MT1X: variants seen among roughly 807,000 people sequenced by gnomAD.
The protein encoded by MT1X is metallothionein-1X.
A neutral mutation model predicts 8.6 loss-of-function variants in MT1X; 7 were observed. The observed-to-expected ratio is 0.81, with a 90% CI of 0.46 to 1.52. The LOEUF is 1.52. MT1X is among the 40% of genes most tolerant of loss of function. The probability of loss-of-function intolerance (pLI) is 0.01; values close to 1 mark genes in which losing one functional copy is unlikely to be tolerated. For synonymous variants in MT1X, 25 were observed against 27.6 expected (o/e 0.91, Z 0.30); for missense variants, 72 against 74.3 (o/e 0.97, Z 0.11).
At position 56,684,106 on chromosome 16, in the gene MT1X, T is replaced by A; in HGVS notation, c.*57T>A. ...AGAGCAACCTATATAAACCTGGATT[T>A]TTTTTTTTTTTTTTTTTGTACAACC... is the stretch of plus-strand genomic sequence containing the variant. On this transcript the variant is annotated 3_prime_UTR_variant, in exon 3 of 3. Coordinates refer to ENST00000394485, the MANE Select transcript of MT1X (RefSeq NM_005952.4). 2 of 972,734 alleles carry A rather than the reference T, an allele frequency of 2.1e-6. No individual in the cohort carries two copies. The highest frequency in any genetic ancestry group is 2.7e-6 in the Non-Finnish European group (2 of 734,594). The allele number at this position is 972,734 out of a possible 1,614,324, so 60.3% of individuals were successfully genotyped here.
intron 1 of MT1X, 76 bp from the exon 2 acceptor site, chr16:56,683,089 A>T: frequency 6.4e-7 from 1 of 1,558,030 alleles, no homozygotes; most frequent in Non-Finnish European, 8.8e-7. Context: ...AGGAGGGGTC[A>T]CTGAAGCGTT....
intron 2 of MT1X, 35 bp downstream of exon 2, chr16:56,683,265 T>C: frequency 6.2e-7 from 1 of 1,612,626 alleles, no homozygotes; most frequent in Non-Finnish European, 8.5e-7. Flanking sequence ...ATCTGGGGGA[T>C]GGGCCAAGTT....
chr16:56,683,339 C>T, intron 2 of MT1X, 109 bp downstream of exon 2: 1 of 1,241,066 alleles, frequency 8.1e-7, no homozygotes, highest in Non-Finnish European at 1.2e-6. Flanking sequence ...CCAAACCCCT[C>T]CTTCAACACC....
chr16:56,682,673 G>A (rs575521520), intron 1 of MT1X, 105 bp downstream of exon 1: 19 of 1,396,882 alleles, frequency 1.4e-5, no homozygotes, highest in South Asian at 4.8e-5. Context: ...AGCTGAAGGG[G>A]CTCCTTTATT....
Position 56,682,564 on chromosome 16 carries a change from G to A in MT1X, c.24G>A (p.Ser8=), listed in dbSNP as rs147291148. 36 of 1,614,064 alleles carry A rather than the reference G, an allele frequency of 2.2e-5. No individual in the cohort carries two copies. In the African/African-American group the frequency reaches 3.9e-4, roughly 17 times the overall value. The change falls in exon 1 of 3, where the codon TCG becomes TCA. Residue 8 remains serine (S), a synonymous_variant. Transcript: ENST00000394485. MDPNCSC[S]PVGSCACAGS... is the part of the protein sequence containing the mutation. The stretch of plus-strand genomic sequence containing the variant: ...AAATGGACCCCAACTGCTCCTGCTC[G>A]CCTGGTAAGGGACACCTAGCTCCGC...
chr16:56,682,537 C>A lies in MT1X; in HGVS notation c.-4C>A. The A allele has an allele frequency of 6.2e-7, 1 of 1,614,230 alleles. No homozygotes were observed. Among genetic ancestry groups the A allele is most frequent in the Non-Finnish European group, 8.5e-7 (1 of 1,180,040 alleles). On this transcript the variant is annotated 5_prime_UTR_variant, in exon 1 of 3. Coordinates refer to ENST00000394485, the MANE Select transcript of MT1X (RefSeq NM_005952.4). ...CGGGAACTCCTGCTTCTCCTTGCCT[C>A]GAAATGGACCCCAACTGCTCCTGCT...
chr16:56,683,026 C>T (rs760584620), intron 1 of MT1X, 139 bp from the exon 2 acceptor site: 4 of 1,015,916 alleles, frequency 3.9e-6, no homozygotes, highest in Non-Finnish European at 4.4e-6. Context: ...TGGGGCTTCT[C>T]TTCCTCTCCC....
At chr16:56,682,801 G>A (rs1233040796) in intron 1 of MT1X, 2 of 612,846 alleles carry the variant, frequency 3.3e-6, no homozygotes, top group Non-Finnish European at 5.7e-6. Context: ...TCACCCAGTT[G>A]GTCAGGGGGC....
intron 2 of MT1X, 93 bp from the exon 3 acceptor site, chr16:56,683,865 G>T: frequency 1.9e-6 from 3 of 1,546,708 alleles, no homozygotes; most frequent in Non-Finnish European, 2.7e-6. Context: ...GGTCCTCTGG[G>T]GCTGGAGGCA....
chr16:56,682,709 C>A, intron 1 of MT1X, 141 bp downstream of exon 1: 1 of 1,067,620 alleles, frequency 9.4e-7, no homozygotes, highest in Non-Finnish European at 1.4e-6. Context: ...TTCCCGATCA[C>A]GTCCCTGAGA....
Position 56,684,009 on chromosome 16 carries a change from T to G in MT1X, c.146T>G (p.Ile49Ser). ...TGTGCCAAGTGTGCCCAGGGCTGCA[T>G]CTGCAAAGGGACGTCAGACAAGTGC... The part of the protein sequence containing the change: ...VGCAKCAQGC[I>S]CKGTSDKCSC... The change falls in exon 3 of 3, where the codon ATC becomes AGC. Residue 49 changes from isoleucine to serine, a missense_variant. Transcript: ENST00000394485. The G allele has an allele frequency of 6.2e-7, 1 of 1,614,030 alleles. No individual in the cohort carries two copies. The highest frequency in any genetic ancestry group is 8.5e-7 in the Non-Finnish European group (1 of 1,180,012).
chr16:56,683,058 G>C (rs1961020267), intron 1 of MT1X, 107 bp from the exon 2 acceptor site: 1 of 1,343,586 alleles, frequency 7.4e-7, no homozygotes, highest in Non-Finnish European at 1.1e-6. Context: ...AGGAGCTCTG[G>C]GGGCTGGTCC....
chr16:56,683,697 A>G (rs986956537), intron 2 of MT1X: 20 of 501,128 alleles, frequency 4.0e-5, no homozygotes, highest in Non-Finnish European at 6.7e-5. Context: ...GGTTTTGGGG[A>G]ACTGGCCTCC....
Position 56,684,103 on chromosome 16 carries a change from A to ATTTT in MT1X, c.*71_*74dup. The ATTTT allele has an allele frequency of 6.1e-5, 78 of 1,275,904 alleles. No homozygotes were observed. The highest frequency in any genetic ancestry group is 2.2e-4 in the South Asian group (14 of 64,958). The allele number at this position is 1,275,904 out of a possible 1,614,324, so 79.0% of individuals were successfully genotyped here. On this transcript the variant is annotated 3_prime_UTR_variant, in exon 3 of 3. Transcript: ENST00000394485. ...AATAGAGCAACCTATATAAACCTGG[A>ATTTT]TTTTTTTTTTTTTTTTTTTTGTACA...
At chr16:56,683,555 G>C in intron 2 of MT1X, 1 of 397,076 alleles carries the variant, frequency 2.5e-6, no homozygotes, top group Non-Finnish European at 4.6e-6. Context: ...GGAAGACCCC[G>C]GGTGATTTCA....
chr16:56,682,600 G>T lies in MT1X; in HGVS notation c.28+32G>T, dbSNP rs765317754. 1.9e-6 allele frequency: 3 copies of T among 1,614,024 alleles called. No individual in the cohort carries two copies. In the South Asian group the frequency reaches 3.3e-5, roughly 18 times the overall value. ...GACACCTAGCTCCGCGCCTTGGGAT[G>T]CCCGTTTCCCAGCCACAGTACAGAC... On this transcript the variant is annotated intron_variant, in intron 1 of 2. Transcript: ENST00000394485.
chr16:56,682,868 G>A (rs1227707094), intron 1 of MT1X: 4 of 592,464 alleles, frequency 6.8e-6, no homozygotes, highest in Admixed American at 6.1e-5. Flanking sequence ...TGGATGGGAA[G>A]TGGGGGGCCA....
rs1961038648 is a variant in MT1X at position 56,684,189 on chromosome 16, C to G, written c.*140C>G. On this transcript the variant is annotated 3_prime_UTR_variant, in exon 3 of 3. Coordinates refer to ENST00000394485, the MANE Select transcript of MT1X (RefSeq NM_005952.4). ...AATATGTGAATGGCAATAAATTCATCTAGACTATTCTGGCTCTGGGCACCT... is the reference window on the plus strand; with the variant it reads ...AATATGTGAATGGCAATAAATTCATGTAGACTATTCTGGCTCTGGGCACCT... The G allele has an allele frequency of 1.9e-6, 2 of 1,045,988 alleles. No individual in the cohort carries two copies. The highest frequency in any genetic ancestry group is 3.4e-5 in the South Asian group (2 of 58,382). 64.8% of individuals were successfully genotyped at this position (1,045,988 alleles called of 1,614,324 possible). A position where few individuals can be genotyped will look rare whatever the true frequency, so the allele number is the denominator to read the frequency against.
rs1447907239 is a variant in MT1X at position 56,684,092 on chromosome 16, T to C, written c.*43T>C. On this transcript the variant is annotated 3_prime_UTR_variant, in exon 3 of 3. Coordinates refer to ENST00000394485, the MANE Select transcript of MT1X (RefSeq NM_005952.4). ...TCTCAGATGTAAATAGAGCAACCTA[T>C]ATAAACCTGGATTTTTTTTTTTTTT... The C allele has an allele frequency of 6.4e-7, 1 of 1,554,704 alleles. No individual in the cohort carries two copies. Among genetic ancestry groups the C allele is most frequent in the Non-Finnish European group, 8.6e-7 (1 of 1,156,186 alleles).
Sources: allele counts gnomAD v4.1 joint callset, GRCh38; gene constraint gnomAD v4.1.1; transcripts MANE v1.5; gene names NCBI Gene and HGNC (gene_info 2026-07-23, HGNC 2026-07-21).